The following LRMDA variants were observed in gnomAD, a reference collection of about 807,000 sequenced individuals.
The protein encoded by LRMDA is leucine rich melanocyte differentiation associated.
In LRMDA, 18 loss-of-function variants were observed where a neutral mutation model predicts 29.8. The ratio of observed to expected loss-of-function variants is 0.60; its 90% CI spans 0.42 to 0.90. The LOEUF is 0.90. Ranked by LOEUF, LRMDA falls within the 40% of genes least tolerant of loss-of-function variation. LRMDA has a pLI of 0.00. For missense variants in LRMDA, 273 were observed against 273.9 expected (o/e 1.00, Z 0.02); for synonymous variants, 125 against 109.4 (o/e 1.14, Z -0.89).
chr10:75,448,513 C>G (rs1237589299), intron 2 of LRMDA, among the ~76,000 whole-genome samples: 1 of 152,174 alleles, frequency 6.6e-6, no homozygotes, highest in African/African-American at 2.4e-5. Context: ...TTCAGACTTT[C>G]TACTTGCTAG....
At position 76,366,565 on chromosome 10, in the gene LRMDA, G is replaced by A. The variant is rs1841393952; in HGVS notation, c.601+42080G>A. 2.6e-5 allele frequency among the ~76,000 whole-genome samples: 4 copies of A among 152,160 alleles called. No individual in the cohort carries two copies. The South Asian group carries it at 8.3e-4, about 32-fold the overall frequency. On this transcript the variant is annotated intron_variant, in intron 6 of 6. Transcript: ENST00000611255. ...TTGATTCTTGGCTTGCTTGCTGTTG[G>A]TGTATAGAAGAGCTATTGATTTATG...
At chr10:76,200,957 T>G (rs1357058747) in intron 5 of LRMDA, among the ~76,000 whole-genome samples, 1 of 151,714 alleles carries the variant, frequency 6.6e-6, no homozygotes, top group East Asian at 1.9e-4. Context: ...CCTCAGGTGA[T>G]CTGCCTGCCT....
intron 6 of LRMDA, among the ~76,000 whole-genome samples, chr10:76,385,313 T>G (rs1841646347): frequency 6.6e-6 from 1 of 152,194 alleles, no homozygotes; most frequent in South Asian, 2.1e-4. Context: ...TGTTGGTGCT[T>G]CCTAAACAGT....
chr10:76,247,583 T>TA (rs2132292552), intron 5 of LRMDA, among the ~76,000 whole-genome samples: 1 of 152,330 alleles, frequency 6.6e-6, no homozygotes, highest in East Asian at 1.9e-4. Flanking sequence ...GATAGATTGT[T>TA]AAAAATGGCC....
chr10:76,405,300 C>A (rs763481258), intron 6 of LRMDA, among the ~76,000 whole-genome samples: 16 of 152,150 alleles, frequency 1.1e-4, no homozygotes, highest in Non-Finnish European at 2.1e-4. Flanking sequence ...GGAAAGAAAC[C>A]TTTGCAGTAC....
chr10:75,933,389 A>G (rs1196536132), intron 2 of LRMDA, among the ~76,000 whole-genome samples: 1 of 152,206 alleles, frequency 6.6e-6, no homozygotes, highest in Non-Finnish European at 1.5e-5. Context: ...CTATGTTTGG[A>G]TGAGGACTTC....
chr10:76,221,960 C>T (rs1371053702), intron 5 of LRMDA, among the ~76,000 whole-genome samples: 8 of 151,678 alleles, frequency 5.3e-5, no homozygotes, highest in African/African-American at 9.7e-5. Context: ...TCAGAAATAA[C>T]GCCACGTATC....
rs115434859 is a variant in LRMDA at position 75,602,074 on chromosome 10, T to C, written c.131+163580T>C. On this transcript the variant is annotated intron_variant, in intron 2 of 6. Coordinates refer to ENST00000611255, the MANE Select transcript of LRMDA (RefSeq NM_001305581.2). ...CTAAATCCTGCTTTTGGGAATTCAGTGCTGGGTCAAATCATGTGCCTCATG... is the reference window on the plus strand; with the variant it reads ...CTAAATCCTGCTTTTGGGAATTCAGCGCTGGGTCAAATCATGTGCCTCATG... 2.9e-3 allele frequency among the ~76,000 whole-genome samples: 439 copies of C among 152,326 alleles called. 3 individuals are homozygous for C. Among genetic ancestry groups the C allele is most frequent in the African/African-American group, 0.01 (428 of 41,572 alleles).
At chr10:76,112,907 C>G (rs958242211) in intron 5 of LRMDA, among the ~76,000 whole-genome samples, 1 of 152,118 alleles carries the variant, frequency 6.6e-6, no homozygotes, top group African/African-American at 2.4e-5. Context: ...GGATTAACTC[C>G]CTCAGAATGT....
At chr10:75,626,677 T>TAG (rs1589139086) in intron 2 of LRMDA, among the ~76,000 whole-genome samples, 1 of 152,118 alleles carries the variant, frequency 6.6e-6, no homozygotes. Context: ...AACAGGGAGG[T>TAG]AGAGAGCATG....
intron 2 of LRMDA, among the ~76,000 whole-genome samples, chr10:75,605,356 G>A (rs1840943493): frequency 6.6e-6 from 1 of 152,158 alleles, no homozygotes; most frequent in Admixed American, 6.5e-5. Context: ...GTTTACACCA[G>A]TCTTCAGTCA....
At chr10:75,664,025 T>C (rs748515948) in intron 2 of LRMDA, among the ~76,000 whole-genome samples, 8 of 152,206 alleles carry the variant, frequency 5.3e-5, no homozygotes, top group Non-Finnish European at 4.4e-5. Context: ...TCAGGGACCC[T>C]CCTGTGGATA....
rs148610564 is a variant in LRMDA, at chr10:76,396,202, C to T, written c.601+71717C>T. On this transcript the variant is annotated intron_variant, in intron 6 of 6. Coordinates refer to ENST00000611255, the MANE Select transcript of LRMDA (RefSeq NM_001305581.2). Reference sequence around the variant, plus strand: ...GATGATACAAACTAGAAACTAGAAACGCTACATGGTAGGGAGGCAGTGGGG... The same window carrying T: ...GATGATACAAACTAGAAACTAGAAATGCTACATGGTAGGGAGGCAGTGGGG... Among the ~76,000 whole-genome samples the T allele has an allele frequency of 2.1e-3, 317 of 152,220 alleles. 2 individuals carry two copies. Among genetic ancestry groups the T allele is most frequent in the African/African-American group, 6.7e-3 (277 of 41,540 alleles).
chr10:75,621,700 A>G (rs1289037859), intron 2 of LRMDA, among the ~76,000 whole-genome samples: 1 of 152,130 alleles, frequency 6.6e-6, no homozygotes, highest in African/African-American at 2.4e-5. Flanking sequence ...CAGTTCATCC[A>G]GACAATTCTT....
intron 2 of LRMDA, among the ~76,000 whole-genome samples, chr10:75,514,313 TTC>T (rs1260009217): frequency 6.6e-5 from 10 of 151,312 alleles, no homozygotes; most frequent in Non-Finnish European, 1.5e-5. Flanking sequence ...CTTCTTCTTC[TTC>T]TTTTTTTTTT....
At chr10:76,367,046 G>T (rs1393832970) in intron 6 of LRMDA, among the ~76,000 whole-genome samples, 1 of 152,084 alleles carries the variant, frequency 6.6e-6, no homozygotes, top group African/African-American at 2.4e-5. Context: ...TTTATGTGGG[G>T]TATCACATTT....
Position 76,007,433 on chromosome 10 carries a change from C to T in LRMDA, c.132-28575C>T, listed in dbSNP as rs374028292. Among the ~76,000 whole-genome samples, 9 of 152,204 alleles carry T rather than the reference C, an allele frequency of 5.9e-5. No homozygotes were observed. The East Asian group carries it at 1.7e-3, about 29-fold the overall frequency. ...GCATGGAGCAGGGCTACAGGGTCAC[C>T]CCCCAACCATAATTGATCTTGCTTA... is the stretch of plus-strand genomic sequence containing the variant. On this transcript the variant is annotated intron_variant, in intron 2 of 6. Coordinates refer to ENST00000611255, the MANE Select transcript of LRMDA (RefSeq NM_001305581.2).
At chr10:75,650,844 G>A (rs891623918) in intron 2 of LRMDA, among the ~76,000 whole-genome samples, 5 of 152,154 alleles carry the variant, frequency 3.3e-5, no homozygotes, top group African/African-American at 9.7e-5. Flanking sequence ...GCACCGGGGT[G>A]AGGATGCGGT....
At chr10:76,031,344 C>A (rs1848146700) in intron 2 of LRMDA, among the ~76,000 whole-genome samples, 1 of 152,184 alleles carries the variant, frequency 6.6e-6, no homozygotes, top group Non-Finnish European at 1.5e-5. Flanking sequence ...CCCAGGGAAA[C>A]CATGAGGAGG....
Sources: gnomAD v4.1 joint callset for allele counts (sites outside exome capture counted in the v4.1 genomes callset) on GRCh38, gnomAD v4.1.1 for gene constraint, MANE v1.5 for transcripts, NCBI Gene and HGNC (gene_info 2026-07-23, HGNC 2026-07-21) for gene names.